Variants in SLIT2 observed in about 807,000 individuals in gnomAD.
SLIT2 encodes the protein slit guidance ligand 2, also known as slit homolog 2 protein.
SLIT2 carries 41 observed loss-of-function variants against 185.7 expected under a neutral mutation model. That is an observed-to-expected ratio of 0.22 (90% confidence interval 0.17 to 0.29). The LOEUF (loss-of-function observed/expected upper bound fraction) is 0.29. Among genes scored for constraint, SLIT2 ranks in the 10% least tolerant of loss-of-function variants. The pLI is 1.00. For missense variants in SLIT2, 1,571 were observed against 1,909.0 expected, an observed-to-expected ratio of 0.82 and a Z score of 3.30; for synonymous variants, 693 against 680.2, an observed-to-expected ratio of 1.02 and a Z score of -0.29.
intron 21 of SLIT2, among the ~76,000 whole-genome samples, chr4:20,543,689 A>G (rs1723011277): frequency 6.6e-6 from 1 of 151,980 alleles, no homozygotes; most frequent in Non-Finnish European, 1.5e-5. Flanking sequence ...TTTTCAAATC[A>G]CATGCAATTC....
intron 11 of SLIT2, among the ~76,000 whole-genome samples, chr4:20,516,790 T>C (rs933694812): frequency 2.6e-5 from 4 of 152,204 alleles, no homozygotes; most frequent in African/African-American, 7.2e-5. Flanking sequence ...TCCCATTACA[T>C]TGAGTATTTC....
chr4:20,342,029 A>T (rs1278088670), intron 4 of SLIT2, among the ~76,000 whole-genome samples: 5 of 152,198 alleles, frequency 3.3e-5, no homozygotes, highest in Non-Finnish European at 7.4e-5. Flanking sequence ...TAAAAAAGTC[A>T]TTGAACATAT....
At chr4:20,573,228 T>C in intron 29 of SLIT2, 2 of 702,980 alleles carry the variant, frequency 2.8e-6, no homozygotes, top group Non-Finnish European at 5.2e-6. Flanking sequence ...TCTTTGTCGC[T>C]GCCAGCTGCT....
intron 4 of SLIT2, among the ~76,000 whole-genome samples, chr4:20,361,738 T>C (rs1722759043): frequency 6.6e-6 from 1 of 152,092 alleles, no homozygotes; most frequent in Admixed American, 6.6e-5. Flanking sequence ...ATAAAAACAA[T>C]TTTGCATAAG....
intron 4 of SLIT2, among the ~76,000 whole-genome samples, chr4:20,406,738 GA>G (rs1242753073): frequency 5.5e-5 from 8 of 144,246 alleles, no homozygotes; most frequent in African/African-American, 1.9e-4. Context: ...AATTAGTATG[GA>G]AAACTGTTTT....
intron 6 of SLIT2, among the ~76,000 whole-genome samples, chr4:20,483,658 G>A (rs1205885252): frequency 6.6e-6 from 1 of 152,022 alleles, no homozygotes; most frequent in Non-Finnish European, 1.5e-5. Context: ...AAGGGAATAA[G>A]ATGACTAAAT....
At position 20,257,884 on chromosome 4, in the gene SLIT2, A is replaced by C. The variant is rs775610724; in HGVS notation, c.268A>C (p.Lys90Gln). The change falls in exon 3 of 37, where the codon AAG (lysine) becomes CAG (glutamine). Residue 90 changes from lysine to glutamine, a missense_variant. Physicochemically the swap from Lys to Gln is moderately conservative, Grantham distance 53. Transcript: ENST00000504154. ...GCATTTCAGTCAGCTTATGGAGAATAAGATTAGCACCATTGAAAGAGGAGC... is the reference window on the plus strand; with the variant it reads ...GCATTTCAGTCAGCTTATGGAGAATCAGATTAGCACCATTGAAAGAGGAGC... ...HLRVLQLMENKISTIERGAFQ... is the reference protein window; with the variant it reads ...HLRVLQLMENQISTIERGAFQ... 1 of 1,563,770 alleles carries C rather than the reference A, an allele frequency of 6.4e-7. No individual in the cohort carries two copies. The highest frequency in any genetic ancestry group is 1.7e-5 in the Admixed American group (1 of 58,876).
At chr4:20,348,372 G>A (rs973353813) in intron 4 of SLIT2, among the ~76,000 whole-genome samples, 13 of 151,594 alleles carry the variant, frequency 8.6e-5, no homozygotes, top group South Asian at 4.2e-4. Context: ...CCAAGTAGCC[G>A]GGACTACAGG....
At chr4:20,570,284 G>GCAAAATAATGCTTATCA (rs1725458986) in intron 29 of SLIT2, among the ~76,000 whole-genome samples, 1 of 151,936 alleles carries the variant, frequency 6.6e-6, no homozygotes, top group Non-Finnish European at 1.5e-5. Flanking sequence ...TTAGTGGGTG[G>GCAAAATAATGCTTATCA]AATTTTAGCA....
At chr4:20,614,030 C>A (rs1729447633) in intron 34 of SLIT2, among the ~76,000 whole-genome samples, 1 of 152,088 alleles carries the variant, frequency 6.6e-6, no homozygotes, top group Admixed American at 6.5e-5. Context: ...TGCTACCACG[C>A]CCAGCTAATT....
rs1277040720 is a variant in SLIT2 at position 20,472,580 on chromosome 4, C to A, written c.467+4757C>A. Among the ~76,000 whole-genome samples the A allele has an allele frequency of 1.3e-3, 14 of 10,382 alleles. 4 individuals are homozygous for A. The highest frequency in any genetic ancestry group is 0.018 in the East Asian group (2 of 112). The allele number at this position is 10,382 out of a possible 152,430, so 6.8% of individuals were successfully genotyped here. A position where few individuals can be genotyped will look rare whatever the true frequency, so the allele number is the denominator to read the frequency against. ...GATATATATCTATATATAGATATATCTATATATAGATATATATCTATAGAT... is the reference window on the plus strand; with the variant it reads ...GATATATATCTATATATAGATATATATATATATAGATATATATCTATAGAT... On this transcript the variant is annotated intron_variant, in intron 5 of 36. Transcript: ENST00000504154.
At chr4:20,351,820 G>C (rs2109265224) in intron 4 of SLIT2, among the ~76,000 whole-genome samples, 1 of 152,284 alleles carries the variant, frequency 6.6e-6, no homozygotes, top group East Asian at 1.9e-4. Flanking sequence ...AAGCAACTCA[G>C]TTTGTTTATG....
chr4:20,454,778 A>G (rs571654439), intron 4 of SLIT2, among the ~76,000 whole-genome samples: 1 of 152,182 alleles, frequency 6.6e-6, no homozygotes, highest in African/African-American at 2.4e-5. Flanking sequence ...AATTAAAATT[A>G]TATCATTGCA....
At chr4:20,372,187 C>T (rs1399269828) in intron 4 of SLIT2, among the ~76,000 whole-genome samples, 1 of 152,002 alleles carries the variant, frequency 6.6e-6, no homozygotes, top group Non-Finnish European at 1.5e-5. Flanking sequence ...TTCTTCAGAC[C>T]AGTCTTAGAG....
rs1553908516 is a variant in SLIT2, at chr4:20,472,397, G to GAT, written c.467+4578_467+4579dup. ...ATATCTATATATATGTAGATATATA[G>GAT]ATATAGATATCTATATATCTATATA... On this transcript the variant is annotated intron_variant, in intron 5 of 36. Transcript: ENST00000504154. Among the ~76,000 whole-genome samples the GAT allele has an allele frequency of 1.3e-3, 30 of 22,392 alleles. 1 individual carries two copies. The highest frequency in any genetic ancestry group is 8.9e-3 in the South Asian group (5 of 562). The allele number at this position is 22,392 out of a possible 152,430, so 14.7% of individuals were successfully genotyped here.
intron 4 of SLIT2, among the ~76,000 whole-genome samples, chr4:20,369,900 C>T (rs929369975): frequency 3.9e-5 from 6 of 152,082 alleles, no homozygotes; most frequent in African/African-American, 1.4e-4. Flanking sequence ...TACCTTTCTC[C>T]CTTGCAAATC....
chr4:20,462,675 T>C (rs1464283579), intron 4 of SLIT2, among the ~76,000 whole-genome samples: 11 of 152,170 alleles, frequency 7.2e-5, no homozygotes. Flanking sequence ...AAACTCAATT[T>C]CCAGATTAAT....
At chr4:20,307,754 T>C (rs1053798580) in intron 4 of SLIT2, among the ~76,000 whole-genome samples, 3 of 152,168 alleles carry the variant, frequency 2.0e-5, no homozygotes, top group Non-Finnish European at 4.4e-5. Flanking sequence ...TAAAATCCTA[T>C]TAGCAACTGT....
At chr4:20,594,498 G>T (rs921884618) in intron 30 of SLIT2, among the ~76,000 whole-genome samples, 31 of 152,110 alleles carry the variant, frequency 2.0e-4, no homozygotes, top group African/African-American at 6.7e-4. Context: ...CAACAGGAGA[G>T]TGTTGAGGAA....
Sources: allele counts gnomAD v4.1 joint callset (sites outside exome capture counted in the v4.1 genomes callset), GRCh38; gene constraint gnomAD v4.1.1; transcripts MANE v1.5; gene names NCBI Gene and HGNC (gene_info 2026-07-23, HGNC 2026-07-21).